The following SPTLC2 variants were observed in gnomAD, a reference collection of about 807,000 sequenced individuals.
The protein encoded by SPTLC2 is serine palmitoyltransferase 2.
SPTLC2 carries 21 observed loss-of-function variants against 62.0 expected under a neutral mutation model. The observed-to-expected ratio is 0.34, with a 90% CI of 0.24 to 0.49. The LOEUF (loss-of-function observed/expected upper bound fraction) is 0.49, where lower values mean the gene tolerates loss of function less well. Ranked by LOEUF, SPTLC2 falls within the 20% of genes least tolerant of loss-of-function variation. The pLI, the probability that SPTLC2 is intolerant of heterozygous loss-of-function variation, is 0.99. For synonymous variants in SPTLC2, 261 were observed against 261.8 expected, an observed-to-expected ratio of 1.00 and a Z score of 0.03; for missense variants, 511 against 713.0, an observed-to-expected ratio of 0.72 and a Z score of 3.23.
chr14:77,607,346 T>C (rs2079910742), intron 1 of SPTLC2, among the ~76,000 whole-genome samples: 1 of 152,244 alleles, frequency 6.6e-6, no homozygotes, highest in African/African-American at 2.4e-5. Flanking sequence ...ATTTATAGGT[T>C]GGTGCAAAAG....
At chr14:77,555,887 G>A (rs1344837274) in intron 7 of SPTLC2, among the ~76,000 whole-genome samples, 2 of 152,018 alleles carry the variant, frequency 1.3e-5, no homozygotes, top group South Asian at 4.1e-4. Flanking sequence ...CCACAGTTCT[G>A]GGGTTACAGG....
At chr14:77,586,818 C>T (rs993524814) in intron 2 of SPTLC2, among the ~76,000 whole-genome samples, 8 of 152,226 alleles carry the variant, frequency 5.3e-5, no homozygotes, top group African/African-American at 1.9e-4. Context: ...TTCAGCTTCA[C>T]TGGGCAATAG....
Position 77,552,045 on chromosome 14 carries a change from G to A in SPTLC2, c.1303+51C>T, listed in dbSNP as rs376339745. The A allele has an allele frequency of 1.1e-4, 180 of 1,609,158 alleles. No homozygotes were observed. In the African/African-American group the frequency reaches 1.4e-3, roughly 12 times the overall value. On this transcript the variant is annotated intron_variant, in intron 9 of 11. Coordinates refer to ENST00000216484, the MANE Select transcript of SPTLC2 (RefSeq NM_004863.4). The stretch of plus-strand genomic sequence containing the variant: ...GAAAAAAGCTCAAGAAAAACAGCAC[G>A]TTTGGCTGCTAGGTGGACTTATGCA...
intron 1 of SPTLC2, among the ~76,000 whole-genome samples, chr14:77,600,885 T>G (rs2079873580): frequency 6.6e-6 from 1 of 152,212 alleles, no homozygotes; most frequent in South Asian, 2.1e-4. Context: ...AATGGGCCAT[T>G]TTGTCCACAT....
intron 9 of SPTLC2, among the ~76,000 whole-genome samples, chr14:77,528,555 A>G: frequency 6.6e-6 from 1 of 151,932 alleles, no homozygotes; most frequent in Admixed American, 6.6e-5. Context: ...TAAAGGTTAT[A>G]TTCTCAAAGC....
intron 5 of SPTLC2, among the ~76,000 whole-genome samples, chr14:77,566,141 T>C (rs1403809615): frequency 6.6e-6 from 1 of 152,168 alleles, no homozygotes; most frequent in Admixed American, 6.6e-5. Context: ...TGCAAAAGCA[T>C]TATGTTCTTT....
chr14:77,521,553 T>C lies in SPTLC2; in HGVS notation c.1332A>G (p.Glu444=). 1 of 1,614,098 alleles carries C rather than the reference T, an allele frequency of 6.2e-7. No homozygotes were observed. Among genetic ancestry groups the C allele is most frequent in the South Asian group, 1.1e-5 (1 of 91,078 alleles). ...GGCGTCTCCTGAAATACCTGGTGTTTTCAGCTAACTGTTGTACACACTCTT... is the reference window on the plus strand; with the variant it reads ...GGCGTCTCCTGAAATACCTGGTGTTCTCAGCTAACTGTTGTACACACTCTT... ...LGKECVQQLA[E]NTRYFRRRLK... Residue 444 remains glutamate (E), a synonymous_variant, in exon 10 of 12, where the codon GAA becomes GAG. Coordinates refer to ENST00000216484, the MANE Select transcript of SPTLC2 (RefSeq NM_004863.4).
chr14:77,580,229 T>C (rs1356047451), intron 2 of SPTLC2, among the ~76,000 whole-genome samples: 1 of 152,012 alleles, frequency 6.6e-6, no homozygotes, highest in Non-Finnish European at 1.5e-5. Flanking sequence ...TCCCAGCACT[T>C]TGGGAGGCCG....
intron 4 of SPTLC2, among the ~76,000 whole-genome samples, 198 bp from the exon 5 acceptor site, chr14:77,570,706 G>A (rs2079677197): frequency 6.6e-6 from 1 of 152,148 alleles, no homozygotes; most frequent in Non-Finnish European, 1.5e-5. Context: ...CACAATAGTT[G>A]AATAAAATCT....
chr14:77,531,472 T>TCCC (rs1358060178), intron 9 of SPTLC2, among the ~76,000 whole-genome samples: 2 of 91,180 alleles, frequency 2.2e-5, no homozygotes, highest in African/African-American at 1.0e-4. Flanking sequence ...CTCCTCCTCC[T>TCCC]CCCCCTCCCC....
At chr14:77,579,917 T>C (rs1426767146) in intron 2 of SPTLC2, among the ~76,000 whole-genome samples, 3 of 152,134 alleles carry the variant, frequency 2.0e-5, no homozygotes, top group East Asian at 3.9e-4. Flanking sequence ...ATTAACAAAG[T>C]AGTCCTCATA....
chr14:77,616,539 A>G lies in SPTLC2; in HGVS notation c.41T>C (p.Val14Ala). The change falls in exon 1 of 12, where the codon GTG (valine) becomes GCG (alanine). Residue 14 changes from valine to alanine, a missense_variant. Coordinates refer to ENST00000216484, the MANE Select transcript of SPTLC2 (RefSeq NM_004863.4). ...EPGGCCCRRT[V>A]RANGCVANGE... ...GTTCGCCACGCAGCCATTCGCCCGCACCGTGCGGCGGCAGCAGCAGCCTCC... is the reference window on the plus strand; with the variant it reads ...GTTCGCCACGCAGCCATTCGCCCGCGCCGTGCGGCGGCAGCAGCAGCCTCC... The G allele has an allele frequency of 2.6e-6, 4 of 1,535,678 alleles. No individual in the cohort carries two copies. Among genetic ancestry groups the G allele is most frequent in the Non-Finnish European group, 2.6e-6 (3 of 1,146,562 alleles).
chr14:77,556,981 A>G, intron 7 of SPTLC2, 60 bp downstream of exon 7: 2 of 1,450,864 alleles, frequency 1.4e-6, no homozygotes, highest in East Asian at 2.3e-5. Flanking sequence ...CCTTCAGTTA[A>G]AAAATTCTAT....
chr14:77,611,137 CAAA>C (rs71128656), intron 1 of SPTLC2, among the ~76,000 whole-genome samples: 2 of 126,516 alleles, frequency 1.6e-5, no homozygotes, highest in African/African-American at 5.9e-5. Context: ...ACTAAAAATA[CAAA>C]AAAAAAAAAA....
chr14:77,583,536 T>C (rs1416624851), intron 2 of SPTLC2, among the ~76,000 whole-genome samples: 2 of 152,158 alleles, frequency 1.3e-5, no homozygotes, highest in East Asian at 3.9e-4. Context: ...CAAAGAGTGA[T>C]AGCCCCACTA....
chr14:77,560,457 AC>A (rs1004712832), intron 6 of SPTLC2, among the ~76,000 whole-genome samples: 1 of 151,860 alleles, frequency 6.6e-6, no homozygotes, highest in African/African-American at 2.4e-5. Context: ...AAAACAAAAA[AC>A]AAAAAACTTG....
At chr14:77,569,860 A>ATATAT (rs1205632634) in intron 5 of SPTLC2, among the ~76,000 whole-genome samples, 3 of 134,050 alleles carry the variant, frequency 2.2e-5, no homozygotes, top group Non-Finnish European at 3.4e-5. Flanking sequence ...ATATGTATAT[A>ATATAT]AATATATAAA....
chr14:77,587,547 A>T (rs566155734), intron 2 of SPTLC2, among the ~76,000 whole-genome samples: 1 of 104,574 alleles, frequency 9.6e-6, no homozygotes, highest in Non-Finnish European at 2.2e-5. Flanking sequence ...CAGGTGGATC[A>T]CCTGAGGTCA....
At chr14:77,600,774 A>G (rs796302868) in intron 1 of SPTLC2, among the ~76,000 whole-genome samples, 38 of 152,336 alleles carry the variant, frequency 2.5e-4, no homozygotes, top group African/African-American at 8.4e-4. Flanking sequence ...AAAATGTAAA[A>G]GAAAATAAAA....
Sources: gnomAD v4.1 joint callset for allele counts (sites outside exome capture counted in the v4.1 genomes callset) on GRCh38, gnomAD v4.1.1 for gene constraint, MANE v1.5 for transcripts, NCBI Gene and HGNC (gene_info 2026-07-23, HGNC 2026-07-21) for gene names.